The following KATNIP variants were observed in gnomAD, a reference collection of about 807,000 sequenced individuals.
The protein encoded by KATNIP is katanin interacting protein, also known as katanin-interacting protein.
KATNIP carries 126 observed loss-of-function variants against 174.0 expected under a neutral mutation model. That is an observed-to-expected ratio of 0.72 (90% CI 0.63 to 0.84). The LOEUF is 0.84. Ranked by LOEUF, KATNIP falls within the 40% of genes least tolerant of loss-of-function variation. The probability of loss-of-function intolerance (pLI) is 0.00; values close to 1 mark genes in which losing one functional copy is unlikely to be tolerated. For missense variants in KATNIP, 1,958 were observed against 2,109.7 expected (o/e 0.93, Z 1.41); for synonymous variants, 810 against 835.7 (o/e 0.97, Z 0.53).
intron 13 of KATNIP, among the ~76,000 whole-genome samples, chr16:27,711,440 G>T (rs2079569120): frequency 6.6e-6 from 1 of 152,176 alleles, no homozygotes; most frequent in South Asian, 2.1e-4. Context: ...AAAATGAGAA[G>T]GGGAGATGGA....
Position 27,761,566 on chromosome 16 carries a change from C to CT in KATNIP, c.3786dup (p.Asp1263Ter). ...GACTTAAATGAGCTCCCCGAGTACT[C>CT]TGACGACTCCCGGGCCCTGGACAAG... On this transcript the variant is annotated frameshift_variant, in exon 19 of 28. Transcript: ENST00000261588. LOFTEE classifies it high-confidence loss of function. 1 of 1,614,110 alleles carries CT rather than the reference C, an allele frequency of 6.2e-7. No individual in the cohort carries two copies. Among genetic ancestry groups the CT allele is most frequent in the Non-Finnish European group, 8.5e-7 (1 of 1,179,998 alleles).
chr16:27,727,679 C>T (rs2080502564), intron 14 of KATNIP: 1 of 152,214 alleles, frequency 6.6e-6, no homozygotes, highest in Non-Finnish European at 1.5e-5. Context: ...TCAGCAATGC[C>T]TTTTTCTGGA....
At chr16:27,691,214 C>T (rs980032738) in intron 8 of KATNIP, among the ~76,000 whole-genome samples, 8 of 152,272 alleles carry the variant, frequency 5.3e-5, no homozygotes, top group Middle Eastern at 3.4e-3. Flanking sequence ...CCGGCAGCCT[C>T]GTGCCCTCAC....
At chr16:27,721,452 T>TC in intron 13 of KATNIP, 106 bp from the exon 14 acceptor site, 2 of 1,369,162 alleles carry the variant, frequency 1.5e-6, no homozygotes, top group Non-Finnish European at 2.1e-6. Context: ...CCCTGAGCCC[T>TC]CACCAGGCCT....
intron 4 of KATNIP, 104 bp downstream of exon 4, chr16:27,628,934 G>T (rs1385392984): frequency 5.9e-6 from 7 of 1,179,508 alleles, no homozygotes; most frequent in Non-Finnish European, 8.4e-6. Flanking sequence ...TTGGGAGGCT[G>T]AGGCGGGTGG....
chr16:27,607,381 A>G (rs1421114893), intron 2 of KATNIP, among the ~76,000 whole-genome samples: 3 of 152,110 alleles, frequency 2.0e-5, no homozygotes, highest in African/African-American at 7.2e-5. Flanking sequence ...ATCTTAGAGC[A>G]TAGGATTGCT....
At chr16:27,703,315 G>A (rs1375367154) in intron 11 of KATNIP, among the ~76,000 whole-genome samples, 1 of 152,138 alleles carries the variant, frequency 6.6e-6, no homozygotes, top group Non-Finnish European at 1.5e-5. Context: ...GGGGTACCCA[G>A]CCTTAAACTG....
At chr16:27,628,578 A>G (rs1186888086) in intron 3 of KATNIP, 83 bp from the exon 4 acceptor site, 1 of 1,407,974 alleles carries the variant, frequency 7.1e-7, no homozygotes, top group Non-Finnish European at 9.9e-7. Flanking sequence ...CACTGTGGGA[A>G]CAGCAGTTCA....
In KATNIP at chr16:27,750,045, C is replaced by G; in HGVS notation, c.3085C>G (p.Arg1029Gly). The G allele has an allele frequency of 6.2e-7, 1 of 1,614,176 alleles. No individual in the cohort carries two copies. Among genetic ancestry groups the G allele is most frequent in the Non-Finnish European group, 8.5e-7 (1 of 1,180,024 alleles). The change falls in exon 16 of 28, where the codon CGC (arginine) becomes GGC (glycine). Residue 1029 changes from arginine (R) to glycine (G), a missense_variant. This residue lies in a region of KATNIP where 1,557 missense variants were observed against 1,617.8 expected (regional missense o/e 0.96). Coordinates refer to ENST00000261588, the MANE Select transcript of KATNIP (RefSeq NM_015202.5). ...TTTACCAGCCTATGGGAAAGACCCC[C>G]GCGTGGTCACCAACCTCATCGACGG... The part of the protein sequence containing the change: ...NILPAYGKDP[R>G]VVTNLIDGVN...
At chr16:27,753,445 G>T (rs897694994) in intron 17 of KATNIP, among the ~76,000 whole-genome samples, 1 of 152,116 alleles carries the variant, frequency 6.6e-6, no homozygotes, top group Non-Finnish European at 1.5e-5. Flanking sequence ...TGAGGGGCTG[G>T]GGGGATCACT....
intron 8 of KATNIP, among the ~76,000 whole-genome samples, chr16:27,693,825 T>C (rs12444933): frequency 0.17 from 25,702 of 152,178 alleles, 2,372 homozygotes; most frequent in African/African-American, 0.24. Flanking sequence ...TGTTGGCCCT[T>C]ACAACATTTC....
At chr16:27,683,127 T>A (rs1229725373) in intron 8 of KATNIP, among the ~76,000 whole-genome samples, 1 of 152,178 alleles carries the variant, frequency 6.6e-6, no homozygotes, top group Non-Finnish European at 1.5e-5. Flanking sequence ...AGGATTTGAG[T>A]CTGTGTCACT....
At chr16:27,622,465 G>T (rs762356078) in intron 3 of KATNIP, among the ~76,000 whole-genome samples, 7 of 152,090 alleles carry the variant, frequency 4.6e-5, no homozygotes, top group Admixed American at 4.6e-4. Flanking sequence ...TTCATAAAAG[G>T]GCAGGCGGAG....
At chr16:27,632,599 C>A in intron 5 of KATNIP, 1 of 456,528 alleles carries the variant, frequency 2.2e-6, no homozygotes, top group Non-Finnish European at 4.4e-6. Flanking sequence ...CAGAACCACT[C>A]CATGGTCAGT....
At chr16:27,773,854 G>T (rs998536360) in intron 23 of KATNIP, among the ~76,000 whole-genome samples, 4 of 151,964 alleles carry the variant, frequency 2.6e-5, no homozygotes, top group African/African-American at 9.7e-5. Flanking sequence ...TATCTACCAG[G>T]CCCCGAAACT....
At chr16:27,617,783 G>A (rs2076082714) in intron 2 of KATNIP, among the ~76,000 whole-genome samples, 1 of 152,148 alleles carries the variant, frequency 6.6e-6, no homozygotes, top group Non-Finnish European at 1.5e-5. Flanking sequence ...TGCCCAGGCT[G>A]GAGTGCAGTG....
chr16:27,745,177 A>G (rs1351025588), intron 15 of KATNIP, among the ~76,000 whole-genome samples: 2 of 152,214 alleles, frequency 1.3e-5, no homozygotes, highest in African/African-American at 4.8e-5. Flanking sequence ...TTTGAGCAGT[A>G]AAGAGGATGT....
chr16:27,713,310 ATATG>A (rs1217531120), intron 13 of KATNIP, among the ~76,000 whole-genome samples: 3 of 152,156 alleles, frequency 2.0e-5, no homozygotes, highest in Non-Finnish European at 4.4e-5. Context: ...AGTAAAATAT[ATATG>A]TATGTATGTA....
At chr16:27,703,856 T>G in intron 11 of KATNIP, 40 bp from the exon 12 acceptor site, 1 of 1,445,206 alleles carries the variant, frequency 6.9e-7, no homozygotes. Context: ...TTGTGTATCA[T>G]TTACTACTTC....
Sources: allele counts gnomAD v4.1 joint callset (sites outside exome capture counted in the v4.1 genomes callset), GRCh38; gene constraint gnomAD v4.1.1; regional missense constraint gnomAD v4.1.1; transcripts MANE v1.5; gene names NCBI Gene and HGNC (gene_info 2026-07-23, HGNC 2026-07-21).